Variants in KCNH8 observed in about 807,000 individuals in gnomAD.
KCNH8 encodes potassium voltage-gated channel subfamily H member 8, also known as voltage-gated delayed rectifier potassium channel KCNH8.
Under a neutral mutation model 103.6 loss-of-function variants are expected in KCNH8, and 70 were observed. That is an observed-to-expected ratio of 0.68 (90% CI 0.56 to 0.82). The LOEUF is 0.82. Ranked by LOEUF, KCNH8 falls within the 40% of genes least tolerant of loss-of-function variation. KCNH8 has a pLI of 0.00. For synonymous variants in KCNH8, 498 were observed against 489.4 expected (o/e 1.02, Z -0.23); for missense variants, 1,217 against 1,329.9 (o/e 0.92, Z 1.32).
intron 15 of KCNH8, among the ~76,000 whole-genome samples, chr3:19,532,014 A>ATGTGTG (rs1553609597): frequency 6.6e-6 from 1 of 152,212 alleles, no homozygotes; most frequent in Non-Finnish European, 1.5e-5. Flanking sequence ...TAGAAAATAC[A>ATGTGTG]TGTGTGTGTC....
chr3:19,207,642 T>G (rs2063730499), intron 1 of KCNH8, among the ~76,000 whole-genome samples: 1 of 152,146 alleles, frequency 6.6e-6, no homozygotes, highest in East Asian at 1.9e-4. Flanking sequence ...CGAATAGACA[T>G]TCCAGGGCTA....
At chr3:19,154,712 C>T (rs1029614393) in intron 1 of KCNH8, among the ~76,000 whole-genome samples, 1 of 152,328 alleles carries the variant, frequency 6.6e-6, no homozygotes, top group South Asian at 2.1e-4. Context: ...CAGCTGACTA[C>T]TCTTCTCCTC....
At chr3:19,217,202 A>G (rs2063826519) in intron 1 of KCNH8, among the ~76,000 whole-genome samples, 1 of 152,140 alleles carries the variant, frequency 6.6e-6, no homozygotes, top group African/African-American at 2.4e-5. Flanking sequence ...TTGCTTGGAA[A>G]GTGTTCTATT....
At chr3:19,521,026 C>G (rs985259558) in intron 15 of KCNH8, among the ~76,000 whole-genome samples, 1 of 151,976 alleles carries the variant, frequency 6.6e-6, no homozygotes, top group Non-Finnish European at 1.5e-5. Flanking sequence ...ATTGCCATTG[C>G]TTTACAGCAT....
chr3:19,392,493 T>C (rs1436698842), intron 6 of KCNH8, among the ~76,000 whole-genome samples: 2 of 151,972 alleles, frequency 1.3e-5, no homozygotes, highest in Non-Finnish European at 2.9e-5. Flanking sequence ...ACAGAAAAGC[T>C]TGTTCAAGGT....
intron 11 of KCNH8, among the ~76,000 whole-genome samples, chr3:19,493,688 T>A (rs995089681): frequency 3.3e-5 from 5 of 151,938 alleles, no homozygotes; most frequent in Non-Finnish European, 7.4e-5. Context: ...AGGGGAAGGG[T>A]TTTTTAGCTT....
chr3:19,391,835 G>T (rs998464348), intron 6 of KCNH8: 1 of 151,860 alleles, frequency 6.6e-6, no homozygotes, highest in Non-Finnish European at 1.5e-5. Context: ...GATTGAATTT[G>T]ACTAGATAAG....
chr3:19,506,245 C>T (rs553976988), intron 11 of KCNH8, among the ~76,000 whole-genome samples: 167 of 152,224 alleles, frequency 1.1e-3, no homozygotes, highest in Middle Eastern at 3.4e-3. Flanking sequence ...TTTTTGAGCT[C>T]CCAGAGTTCT....
intron 1 of KCNH8, among the ~76,000 whole-genome samples, chr3:19,211,046 A>G (rs1395863133): frequency 6.6e-6 from 1 of 152,162 alleles, no homozygotes; most frequent in Non-Finnish European, 1.5e-5. Context: ...ACAGTCATAA[A>G]TACATGATGT....
intron 3 of KCNH8, among the ~76,000 whole-genome samples, chr3:19,295,383 C>CAAATAAATAAATAAATAAAT (rs554786703): frequency 2.6e-4 from 38 of 145,302 alleles, no homozygotes; most frequent in Admixed American, 1.2e-3. Flanking sequence ...GACCCTGTCT[C>CAAATAAATAAATAAATAAAT]AAATAAATAA....
At position 19,291,995 on chromosome 3, in the gene KCNH8, G is replaced by T. The variant is rs117595394; in HGVS notation, c.442+10666G>T. Among the ~76,000 whole-genome samples, 496 of 152,274 alleles carry T rather than the reference G, an allele frequency of 3.3e-3. 22 individuals carry two copies. In the East Asian group the frequency reaches 0.083, roughly 26 times the overall value. ...TGATAGTGGTTAATGTCTTTTAAAA[G>T]TTCCTTTCCTCTGCACTCAGTTGCA... On this transcript the variant is annotated intron_variant, in intron 3 of 15. Transcript: ENST00000328405.
intron 7 of KCNH8, among the ~76,000 whole-genome samples, chr3:19,396,692 A>C (rs1366659108): frequency 1.3e-5 from 2 of 152,144 alleles, no homozygotes; most frequent in Admixed American, 1.3e-4. Context: ...AGTTGGTTAA[A>C]AGGAGGATCA....
chr3:19,490,769 A>T (rs547788680), intron 11 of KCNH8, among the ~76,000 whole-genome samples: 2 of 152,274 alleles, frequency 1.3e-5, no homozygotes, highest in African/African-American at 4.8e-5. Context: ...AAAGTGAGAG[A>T]GTTGGACTAA....
At chr3:19,526,469 T>C (rs1433073898) in intron 15 of KCNH8, among the ~76,000 whole-genome samples, 1 of 151,994 alleles carries the variant, frequency 6.6e-6, no homozygotes, top group Non-Finnish European at 1.5e-5. Flanking sequence ...ATGAAAGGTA[T>C]TGTCAAAGAT....
intron 3 of KCNH8, among the ~76,000 whole-genome samples, chr3:19,299,584 A>G (rs2065039158): frequency 6.6e-6 from 1 of 152,140 alleles, no homozygotes; most frequent in Admixed American, 6.6e-5. Flanking sequence ...CTCTACAACA[A>G]ACCCCTATGA....
intron 5 of KCNH8, among the ~76,000 whole-genome samples, chr3:19,372,394 C>G (rs1289854846): frequency 1.3e-5 from 2 of 150,372 alleles, no homozygotes; most frequent in Non-Finnish European, 1.5e-5. Flanking sequence ...GGAGTTCACT[C>G]ATGATTTGGC....
intron 7 of KCNH8, among the ~76,000 whole-genome samples, chr3:19,397,284 C>T (rs925249490): frequency 6.6e-6 from 1 of 151,744 alleles, no homozygotes; most frequent in Non-Finnish European, 1.5e-5. Flanking sequence ...GCAAGAAGAG[C>T]ACTGGGCTGG....
Position 19,533,693 on chromosome 3 carries a change from C to G in KCNH8, c.2918C>G (p.Thr973Ser). 6.2e-7 allele frequency: 1 copy of G among 1,614,192 alleles called. No individual in the cohort carries two copies. The highest frequency in any genetic ancestry group is 1.1e-5 in the South Asian group (1 of 91,080). The change falls in exon 16 of 16, where the codon ACT becomes AGT. Residue 973 changes from threonine to serine, a missense_variant. Thr to Ser is a moderately conservative substitution (Grantham distance 58, BLOSUM62 1). Coordinates refer to ENST00000328405, the MANE Select transcript of KCNH8 (RefSeq NM_144633.3). ...PSSVGSSPQR[T>S]GAHEQNPADS... ...TCTGTGGGGAGCAGCCCCCAACGAA[C>G]TGGAGCTCATGAGCAAAATCCTGCA...
At chr3:19,457,767 G>A (rs2067556879) in intron 11 of KCNH8, among the ~76,000 whole-genome samples, 2 of 151,898 alleles carry the variant, frequency 1.3e-5, no homozygotes, top group South Asian at 4.1e-4. Flanking sequence ...AAGAAGCTAT[G>A]GTTTGGACCA....
Sources: allele counts gnomAD v4.1 joint callset (sites outside exome capture counted in the v4.1 genomes callset), GRCh38; gene constraint gnomAD v4.1.1; transcripts MANE v1.5; gene names NCBI Gene and HGNC (gene_info 2026-07-23, HGNC 2026-07-21).